Variants in CLCN5 observed in about 807,000 individuals in gnomAD.
The protein encoded by CLCN5 is H(+)/Cl(-) exchange transporter 5.
In CLCN5, 17 loss-of-function variants were observed where a neutral mutation model predicts 54.0. The observed-to-expected ratio is 0.31, with a 90% CI of 0.22 to 0.47. The LOEUF is 0.47. Ranked by LOEUF, CLCN5 falls within the 20% of genes least tolerant of loss-of-function variation. The pLI, the probability that CLCN5 is intolerant of heterozygous loss-of-function variation, is 1.00. For synonymous variants in CLCN5, 222 were observed against 233.0 expected, an observed-to-expected ratio of 0.95 and a Z score of 0.43; for missense variants, 448 against 646.7, an observed-to-expected ratio of 0.69 and a Z score of 3.33.
intron 3 of CLCN5, chrX:50,009,823 CAGA>C (rs782666489): frequency 1.8e-5 from 7 of 382,773 alleles, no homozygotes; most frequent in Non-Finnish European, 3.7e-5. Context: ...GCGTGGAGAA[CAGA>C]AGATCTGTAT....
At chrX:50,074,613 C>A (rs1359798151) in intron 6 of CLCN5, among the ~76,000 whole-genome samples, 1 of 112,248 alleles carries the variant, frequency 8.9e-6, no homozygotes, top group Non-Finnish European at 1.9e-5. Flanking sequence ...ATGTAAGTAA[C>A]CTGTGTTAAC....
At chrX:50,060,636 G>A (rs1238334069) in intron 4 of CLCN5, among the ~76,000 whole-genome samples, 9 of 111,534 alleles carry the variant, frequency 8.1e-5, no homozygotes, top group African/African-American at 2.6e-4. Context: ...GGGGAAGCTC[G>A]AACTGGGTGG....
Position 50,014,170 on chromosome X carries a change from C to G in CLCN5, c.17-28146C>G, listed in dbSNP as rs1930665321. Reference sequence around the variant, plus strand: ...CTGCTTCCCCTTGTATCCTTGCCACCTAAATGTGCATGCTGTCTCAGTGCA... The same window carrying G: ...CTGCTTCCCCTTGTATCCTTGCCACGTAAATGTGCATGCTGTCTCAGTGCA... On this transcript the variant is annotated intron_variant, in intron 3 of 14. Transcript: ENST00000376091. Among the ~76,000 whole-genome samples, 3 of 111,547 alleles carry G rather than the reference C, an allele frequency of 2.7e-5. No individual in the cohort carries two copies. In the Admixed American group the frequency reaches 2.9e-4, roughly 11 times the overall value.
At chrX:50,031,879 C>A (rs1488042185) in intron 3 of CLCN5, among the ~76,000 whole-genome samples, 7 of 73,610 alleles carry the variant, frequency 9.5e-5, no homozygotes, top group Non-Finnish European at 1.7e-4. Flanking sequence ...CTCCCCCCAC[C>A]CCACAACAGT....
chrX:50,086,167 G>C (rs1015557202), intron 10 of CLCN5, 107 bp downstream of exon 10: 2 of 850,426 alleles, frequency 2.4e-6, no homozygotes, highest in African/African-American at 4.0e-5. Context: ...GTATATCCCA[G>C]TCCCTGAGTG....
intron 6 of CLCN5, among the ~76,000 whole-genome samples, chrX:50,075,551 T>C (rs1327550399): frequency 9.0e-6 from 1 of 111,355 alleles, no homozygotes; most frequent in African/African-American, 3.3e-5. Flanking sequence ...ACCATTTTGC[T>C]TTCCCTAAGT....
At chrX:49,941,369 G>A (rs1926322661) in intron 3 of CLCN5, among the ~76,000 whole-genome samples, 1 of 111,203 alleles carries the variant, frequency 9.0e-6, no homozygotes, top group Non-Finnish European at 1.9e-5. Context: ...ATTATTATTG[G>A]TTCTTTTCTC....
chrX:49,952,971 C>T (rs1186407599), intron 3 of CLCN5, among the ~76,000 whole-genome samples: 4 of 108,165 alleles, frequency 3.7e-5, no homozygotes, highest in African/African-American at 6.8e-5. Flanking sequence ...CCGCAACCTC[C>T]GCCTCCTGGG....
At chrX:49,932,805 G>A (rs1925730854) in intron 3 of CLCN5, among the ~76,000 whole-genome samples, 1 of 112,298 alleles carries the variant, frequency 8.9e-6, no homozygotes, top group African/African-American at 3.2e-5. Flanking sequence ...ATAAGGCAGA[G>A]GAAAATCAGA....
In CLCN5 at chrX:49,945,594, C is replaced by T. The variant is rs189813222; in HGVS notation, c.16+20280C>T. 5.6e-3 allele frequency among the ~76,000 whole-genome samples: 579 copies of T among 103,717 alleles called. 2 individuals are homozygous for T. The highest frequency in any genetic ancestry group is 0.019 in the African/African-American group (545 of 28,037). The allele number at this position is 103,717 out of a possible 115,157, so 90.1% of individuals were successfully genotyped here. ...CTGCATTTATGGGCTCGCGCCACCA[C>T]GCCCAGCTAGTTTTTTTTTTTTTTT... On this transcript the variant is annotated intron_variant, in intron 3 of 14. Transcript: ENST00000376091.
chrX:50,081,997 C>A, intron 9 of CLCN5, 150 bp downstream of exon 9: 1 of 533,470 alleles, frequency 1.9e-6, no homozygotes, highest in Non-Finnish European at 3.2e-6. Context: ...CTACAGATAT[C>A]CTAGCATGTG....
chrX:49,991,197 C>T (rs1929243769), intron 3 of CLCN5, among the ~76,000 whole-genome samples: 1 of 112,087 alleles, frequency 8.9e-6, no homozygotes, highest in Non-Finnish European at 1.9e-5. Flanking sequence ...GTTCCCTTGT[C>T]ACCATATCCA....
At chrX:50,050,506 C>T (rs782672118) in intron 4 of CLCN5, 1 of 110,826 alleles carries the variant, frequency 9.0e-6, no homozygotes, top group South Asian at 3.9e-4. Flanking sequence ...ATATGTACAT[C>T]TTTCTTTGGT....
intron 8 of CLCN5, 47 bp from the exon 9 acceptor site, chrX:50,081,594 G>C (rs782053891): frequency 3.7e-5 from 40 of 1,077,603 alleles, no homozygotes; most frequent in Non-Finnish European, 5.2e-5. Context: ...TCTTAGCCTT[G>C]TTGACTTCCT....
rs782468962 is a variant in CLCN5 at position 50,002,367 on chromosome X, C to T, written c.17-39949C>T. 8.1e-5 allele frequency among the ~76,000 whole-genome samples: 9 copies of T among 111,788 alleles called. No homozygotes were observed. In the South Asian group the frequency reaches 3.4e-3, roughly 42 times the overall value. On this transcript the variant is annotated intron_variant, in intron 3 of 14. Transcript: ENST00000376091. ...CTACTCCTCCCTCTGTGTTCTCCAACTCAGCAAACAGCATTTCCCAATTGC... is the reference window on the plus strand; with the variant it reads ...CTACTCCTCCCTCTGTGTTCTCCAATTCAGCAAACAGCATTTCCCAATTGC...
chrX:50,009,041 TG>T, intron 3 of CLCN5: 2 of 358,654 alleles, frequency 5.6e-6, no homozygotes, highest in Non-Finnish European at 1.1e-5. Context: ...GGCTGAGCCT[TG>T]TCTACATGTA....
chrX:50,058,858 A>G (rs938402642), intron 4 of CLCN5, among the ~76,000 whole-genome samples: 1 of 111,208 alleles, frequency 9.0e-6, no homozygotes, highest in Admixed American at 9.6e-5. Flanking sequence ...ACAAAAATCT[A>G]GACTCACCTA....
chrX:50,018,090 G>T (rs1930880282), intron 3 of CLCN5, among the ~76,000 whole-genome samples: 1 of 111,845 alleles, frequency 8.9e-6, no homozygotes, highest in Non-Finnish European at 1.9e-5. Context: ...ACAATATTGA[G>T]TCTTCCTATC....
At chrX:50,068,461 C>T (rs1237910646) in intron 4 of CLCN5, among the ~76,000 whole-genome samples, 1 of 110,627 alleles carries the variant, frequency 9.0e-6, no homozygotes, top group Non-Finnish European at 1.9e-5. Context: ...AACTTGTTCA[C>T]CTTTTCCACT....
Sources: allele counts gnomAD v4.1 joint callset (sites outside exome capture counted in the v4.1 genomes callset), GRCh38; gene constraint gnomAD v4.1.1; transcripts MANE v1.5; gene names NCBI Gene and HGNC (gene_info 2026-07-23, HGNC 2026-07-21).